CTNNA3: variants seen among roughly 807,000 people sequenced by gnomAD.
The protein encoded by CTNNA3 is catenin alpha-3.
CTNNA3 carries 76 observed loss-of-function variants against 95.7 expected under a neutral mutation model. The observed-to-expected ratio is 0.79, with a 90% confidence interval of 0.66 to 0.96. The LOEUF is 0.96. CTNNA3 is among the 40% of genes least tolerant of loss of function. The pLI is 0.00. For synonymous variants in CTNNA3, 431 were observed against 374.4 expected (o/e 1.15, Z -1.74); for missense variants, 1,191 against 1,089.8 (o/e 1.09, Z -1.31).
intron 11 of CTNNA3, among the ~76,000 whole-genome samples, chr10:66,474,981 G>A (rs1011881096): frequency 2.6e-5 from 4 of 152,010 alleles, no homozygotes; most frequent in Non-Finnish European, 4.4e-5. Flanking sequence ...CTTGTCACAA[G>A]TGCAGTTTGC....
chr10:66,509,667 A>T (rs1417820030), intron 11 of CTNNA3, among the ~76,000 whole-genome samples: 1 of 151,944 alleles, frequency 6.6e-6, no homozygotes, highest in Non-Finnish European at 1.5e-5. Context: ...GTTGAAAATG[A>T]GTTGACTGTA....
intron 5 of CTNNA3, among the ~76,000 whole-genome samples, chr10:67,510,460 CTT>C (rs139116294): frequency 3.6e-5 from 5 of 140,812 alleles, no homozygotes; most frequent in Non-Finnish European, 4.7e-5. Flanking sequence ...TTCTTCACTT[CTT>C]TTTTTTTTTT....
At chr10:67,489,565 T>C (rs1848576741) in intron 5 of CTNNA3, among the ~76,000 whole-genome samples, 1 of 152,028 alleles carries the variant, frequency 6.6e-6, no homozygotes, top group Non-Finnish European at 1.5e-5. Flanking sequence ...GGGGCTTAGA[T>C]AAGTATCTGG....
intron 3 of CTNNA3, among the ~76,000 whole-genome samples, chr10:67,577,289 T>A (rs1336151726): frequency 6.6e-6 from 1 of 152,048 alleles, no homozygotes; most frequent in African/African-American, 2.4e-5. Context: ...TTGATTTGCA[T>A]TTCTCTGATG....
At chr10:66,457,083 G>A (rs1380845713) in intron 11 of CTNNA3, among the ~76,000 whole-genome samples, 1 of 152,000 alleles carries the variant, frequency 6.6e-6, no homozygotes, top group African/African-American at 2.4e-5. Context: ...ATCAAATTGA[G>A]ACCCTGTCTC....
chr10:67,650,217 A>C (rs2133489599), intron 1 of CTNNA3, among the ~76,000 whole-genome samples: 1 of 152,286 alleles, frequency 6.6e-6, no homozygotes, highest in South Asian at 2.1e-4. Flanking sequence ...CTTCTACACA[A>C]CCTTCATTTC....
intron 7 of CTNNA3, among the ~76,000 whole-genome samples, chr10:66,996,649 CAAAAAA>C (rs57025097): frequency 7.4e-5 from 5 of 67,644 alleles, no homozygotes; most frequent in East Asian, 6.5e-4. Flanking sequence ...TCCGTCTCTA[CAAAAAA>C]AAAAAAAAAA....
chr10:66,588,357 T>G (rs2132221162), intron 10 of CTNNA3, among the ~76,000 whole-genome samples: 1 of 152,344 alleles, frequency 6.6e-6, no homozygotes, highest in South Asian at 2.1e-4. Flanking sequence ...GTTAAGTTCC[T>G]GTGTTGCTTC....
chr10:67,711,568 AATTT>A (rs572590258), intron 1 of CTNNA3, among the ~76,000 whole-genome samples: 10 of 134,072 alleles, frequency 7.5e-5, no homozygotes, highest in Middle Eastern at 3.9e-3. Context: ...TGGCAGAAGA[AATTT>A]ATTTATTTAT....
intron 6 of CTNNA3, among the ~76,000 whole-genome samples, chr10:67,193,780 G>A (rs1863225881): frequency 7.1e-6 from 1 of 140,780 alleles, no homozygotes; most frequent in Admixed American, 6.8e-5. Flanking sequence ...TTGCTATTGT[G>A]AATAGTGCCG....
intron 2 of CTNNA3, among the ~76,000 whole-genome samples, chr10:67,631,674 A>G (rs1839147968): frequency 6.6e-6 from 1 of 152,248 alleles, no homozygotes. Context: ...TACTTAAACC[A>G]TGTAACTATT....
At position 66,620,605 on chromosome 10, in the gene CTNNA3, C is replaced by T. The variant is rs1330921773; in HGVS notation, c.1374+1087G>A. 2.6e-5 allele frequency among the ~76,000 whole-genome samples: 4 copies of T among 152,106 alleles called. No homozygotes were observed. The East Asian group carries it at 7.7e-4, about 29-fold the overall frequency. On this transcript the variant is annotated intron_variant, in intron 10 of 17. Transcript: ENST00000433211. ...AGTGTTGATGGGAGTATATTTCATT[C>T]AACTACTTTAGAGACCTCATTGCAG...
At chr10:66,856,553 A>G (rs944588395) in intron 7 of CTNNA3, among the ~76,000 whole-genome samples, 1 of 152,084 alleles carries the variant, frequency 6.6e-6, no homozygotes, top group Non-Finnish European at 1.5e-5. Flanking sequence ...TTTTCCCTAC[A>G]GCCTCACCAG....
intron 5 of CTNNA3, among the ~76,000 whole-genome samples, chr10:67,328,161 T>C (rs754733567): frequency 7.9e-5 from 12 of 151,300 alleles, no homozygotes; most frequent in African/African-American, 1.7e-4. Flanking sequence ...ATGTGGGGAG[T>C]TGCCTTAGGC....
intron 7 of CTNNA3, among the ~76,000 whole-genome samples, chr10:67,005,019 T>C (rs759577845): frequency 2.1e-4 from 32 of 151,760 alleles, no homozygotes; most frequent in Non-Finnish European, 4.0e-4. Flanking sequence ...GGTAGTTTCA[T>C]AGAGATAATC....
chr10:66,369,025 TAAC>T (rs2092733479), intron 12 of CTNNA3, among the ~76,000 whole-genome samples: 1 of 152,148 alleles, frequency 6.6e-6, no homozygotes, highest in African/African-American at 2.4e-5. Flanking sequence ...CATTTAACTT[TAAC>T]TGCTACAGAT....
intron 2 of CTNNA3, among the ~76,000 whole-genome samples, chr10:67,643,290 G>T (rs976901669): frequency 7.8e-6 from 1 of 127,782 alleles, no homozygotes; most frequent in East Asian, 2.0e-4. Flanking sequence ...ATGGACTCAT[G>T]GGGGGAACAC....
At chr10:66,707,061 T>C (rs1848141406) in intron 9 of CTNNA3, among the ~76,000 whole-genome samples, 1 of 152,076 alleles carries the variant, frequency 6.6e-6, no homozygotes, top group African/African-American at 2.4e-5. Context: ...ATGTTTAAAA[T>C]AGTAAGAATA....
chr10:67,415,833 A>T (rs1845521148), intron 5 of CTNNA3, among the ~76,000 whole-genome samples: 1 of 152,204 alleles, frequency 6.6e-6, no homozygotes, highest in African/African-American at 2.4e-5. Context: ...AGAACCCAGA[A>T]ATAAAGCCAC....
Sources: gnomAD v4.1 joint callset for allele counts (sites outside exome capture counted in the v4.1 genomes callset) on GRCh38, gnomAD v4.1.1 for gene constraint, MANE v1.5 for transcripts, NCBI Gene and HGNC (gene_info 2026-07-23, HGNC 2026-07-21) for gene names.